The following CFH variants were observed in gnomAD, a reference collection of about 807,000 sequenced individuals.
CFH encodes H factor 1 (complement).
CFH carries 53 observed loss-of-function variants against 147.3 expected under a neutral mutation model. That is an observed-to-expected ratio of 0.36 (90% CI 0.29 to 0.45). The LOEUF (loss-of-function observed/expected upper bound fraction) is 0.45, where lower values mean the gene tolerates loss of function less well. CFH is among the 20% of genes least tolerant of loss of function. CFH has a pLI of 1.00. For synonymous variants in CFH, 536 were observed against 489.4 expected (o/e 1.10, Z -1.26); for missense variants, 1,380 against 1,498.0 (o/e 0.92, Z 1.30).
rs533656180 is a variant in CFH, at chr1:196,686,529, C to T, written c.964+1292C>T. Among the ~76,000 whole-genome samples the T allele has an allele frequency of 4.6e-5, 7 of 152,084 alleles. No homozygotes were observed. The East Asian group carries it at 1.2e-3, about 25-fold the overall frequency. The stretch of plus-strand genomic sequence containing the variant: ...TTTCTTTTCTTTCTATCTATAAGTA[C>T]ATAGACAAGAAGTACTACACTTAAA... On this transcript the variant is annotated intron_variant, in intron 7 of 21. Coordinates refer to ENST00000367429, the MANE Select transcript of CFH (RefSeq NM_000186.4).
At chr1:196,690,817 G>A (rs186605650) in intron 9 of CFH, among the ~76,000 whole-genome samples, 3 of 152,160 alleles carry the variant, frequency 2.0e-5, no homozygotes, top group Middle Eastern at 3.4e-3. Flanking sequence ...GAAGCTGGCC[G>A]CCCCACCCTA....
At chr1:196,680,606 G>A (rs547147223) in intron 6 of CFH, among the ~76,000 whole-genome samples, 2 of 151,960 alleles carry the variant, frequency 1.3e-5, no homozygotes, top group African/African-American at 4.8e-5. Flanking sequence ...AAATAAGTGG[G>A]TTTGCTTTTG....
In CFH at chr1:196,736,991, A is replaced by G. The variant is rs1573076149; in HGVS notation, c.2581A>G (p.Ile861Val). ...ITCKDGRWQS[I>V]PLCVEKIPCS... ...ATGCAAAGATGGAAGATGGCAGTCA[A>G]TACCACTCTGTGTTGGTCAGTAGTG... Residue 861 changes from isoleucine to valine, a missense_variant, in exon 16 of 22, where the codon ATA becomes GTA. Physicochemically the swap from Ile to Val is conservative, Grantham distance 29. Transcript: ENST00000367429. The G allele has an allele frequency of 1.2e-6, 2 of 1,610,238 alleles. No homozygotes were observed. The highest frequency in any genetic ancestry group is 4.5e-5 in the East Asian group (2 of 44,576).
rs1483635927 is a variant in CFH at position 196,677,573 on chromosome 1, G to C, written c.525G>C (p.Arg175=). 1 of 1,613,222 alleles carries C rather than the reference G, an allele frequency of 6.2e-7. No individual in the cohort carries two copies. Among genetic ancestry groups the C allele is most frequent in the Non-Finnish European group, 8.5e-7 (1 of 1,179,524 alleles). ...AATACCATTTTGGACAAGCAGTACG[G>C]TTTGTATGTAACTCAGGCTACAAGA... is the stretch of plus-strand genomic sequence containing the variant. ...DREYHFGQAV[R]FVCNSGYKIE... is the part of the protein sequence containing the mutation. Residue 175 remains arginine (R), a synonymous_variant, in exon 5 of 22, where the codon CGG becomes CGC. Transcript: ENST00000367429.
chr1:196,708,835 A>G lies in CFH; in HGVS notation c.1337-4900A>G, dbSNP rs1302520995. Among the ~76,000 whole-genome samples the G allele has an allele frequency of 2.0e-5, 3 of 152,198 alleles. No homozygotes were observed. In the East Asian group the frequency reaches 5.8e-4, roughly 29 times the overall value. ...CCCACCGACTCCAAAAGGGACTGCC[A>G]GGCATATATCAATATATCTGGTGGC... On this transcript the variant is annotated intron_variant, in intron 9 of 21. Coordinates refer to ENST00000367429, the MANE Select transcript of CFH (RefSeq NM_000186.4).
At chr1:196,727,470 C>G (rs566841454) in intron 14 of CFH, among the ~76,000 whole-genome samples, 2 of 152,032 alleles carry the variant, frequency 1.3e-5, no homozygotes, top group Non-Finnish European at 2.9e-5. Flanking sequence ...GCATTCCAGC[C>G]TGGGCAACAG....
Position 196,671,957 on chromosome 1 carries a change from A to G in CFH, c.59-1021A>G, listed in dbSNP as rs184114428. Among the ~76,000 whole-genome samples, 225 of 151,670 alleles carry G rather than the reference A, an allele frequency of 1.5e-3. 2 individuals carry two copies. The highest frequency in any genetic ancestry group is 5.2e-3 in the African/African-American group (217 of 41,452). On this transcript the variant is annotated intron_variant, in intron 1 of 21. Coordinates refer to ENST00000367429, the MANE Select transcript of CFH (RefSeq NM_000186.4). ...TTCTGCTGTTTTGACATCTGCTCTT[A>G]AATATCATCCAGAGTGACTTTCAAA...
At chr1:196,733,698 G>T (rs1553280523) in intron 15 of CFH, among the ~76,000 whole-genome samples, 2 of 152,004 alleles carry the variant, frequency 1.3e-5, no homozygotes, top group Admixed American at 1.3e-4. Context: ...TACAGTCCCT[G>T]AATGAAAGTT....
chr1:196,682,534 G>A (rs557480930), intron 6 of CFH, among the ~76,000 whole-genome samples: 1 of 151,420 alleles, frequency 6.6e-6, no homozygotes, highest in South Asian at 2.1e-4. Context: ...TTAAACTCTT[G>A]TTTTTTGCAT....
chr1:196,737,693 A>G (rs778422936), intron 17 of CFH, 33 bp downstream of exon 17: 6 of 1,571,928 alleles, frequency 3.8e-6, no homozygotes, highest in Admixed American at 3.3e-5. Context: ...ATTTCTGTTT[A>G]TAGTAGAATT....
chr1:196,677,731 C>T (rs1392402660), intron 5 of CFH, 64 bp downstream of exon 5: 13 of 1,429,140 alleles, frequency 9.1e-6, no homozygotes, highest in South Asian at 2.3e-5. Context: ...TTTAAAACAT[C>T]GTTCATTCTA....
intron 7 of CFH, among the ~76,000 whole-genome samples, chr1:196,685,672 CA>C (rs1667801886): frequency 6.6e-6 from 1 of 152,044 alleles, no homozygotes; most frequent in South Asian, 2.1e-4. Flanking sequence ...GTGTTGCAAT[CA>C]GGATCATGGC....
At chr1:196,722,856 G>A (rs1450682519) in intron 11 of CFH, among the ~76,000 whole-genome samples, 3 of 152,000 alleles carry the variant, frequency 2.0e-5, no homozygotes, top group African/African-American at 7.2e-5. Context: ...TTTTCTGCTT[G>A]ATGTAATCTG....
At chr1:196,720,199 A>G (rs1668966851) in intron 11 of CFH, among the ~76,000 whole-genome samples, 1 of 151,918 alleles carries the variant, frequency 6.6e-6, no homozygotes, top group African/African-American at 2.4e-5. Flanking sequence ...TATTCTCGGG[A>G]TCCTCCCCAG....
At chr1:196,737,134 A>T in intron 16 of CFH, 128 bp downstream of exon 16, 1 of 821,816 alleles carries the variant, frequency 1.2e-6, no homozygotes, top group South Asian at 1.6e-5. Flanking sequence ...ATAAATTAGG[A>T]CCTAGGCACA....
chr1:196,741,214 G>A (rs1652798593), intron 18 of CFH: 2 of 219,562 alleles, frequency 9.1e-6, no homozygotes, highest in South Asian at 6.8e-5. Flanking sequence ...CAATATAGGT[G>A]GTGTATTATT....
At chr1:196,708,528 A>G (rs926362408) in intron 9 of CFH, among the ~76,000 whole-genome samples, 11 of 152,186 alleles carry the variant, frequency 7.2e-5, no homozygotes, top group Admixed American at 4.6e-4. Flanking sequence ...TGCCAAAAAT[A>G]TTTACAGTGG....
chr1:196,662,664 T>C (rs1273673817), intron 1 of CFH, among the ~76,000 whole-genome samples: 1 of 152,042 alleles, frequency 6.6e-6, no homozygotes, highest in Admixed American at 6.6e-5. Flanking sequence ...AGTGGATTGC[T>C]TGAGCCCAGG....
chr1:196,675,016 A>G (rs963399234), intron 3 of CFH, among the ~76,000 whole-genome samples: 2 of 152,152 alleles, frequency 1.3e-5, no homozygotes, highest in Non-Finnish European at 2.9e-5. Context: ...TAGCCCTTCA[A>G]TCATTACTGC....
Sources: allele counts gnomAD v4.1 joint callset (sites outside exome capture counted in the v4.1 genomes callset), GRCh38; gene constraint gnomAD v4.1.1; transcripts MANE v1.5; gene names NCBI Gene and HGNC (gene_info 2026-07-23, HGNC 2026-07-21).